RBM12B: variants seen among roughly 807,000 people sequenced by gnomAD.
The protein encoded by RBM12B is RNA-binding protein 12B.
In RBM12B, 10 loss-of-function variants were observed where a neutral mutation model predicts 34.3. The observed-to-expected ratio is 0.29, with a 90% confidence interval of 0.18 to 0.49. The LOEUF (loss-of-function observed/expected upper bound fraction) is 0.49. Among genes scored for constraint, RBM12B ranks in the 20% least tolerant of loss-of-function variants. RBM12B has a pLI of 0.99. For synonymous variants in RBM12B, 477 were observed against 437.1 expected (o/e 1.09, Z -1.14); for missense variants, 1,139 against 1,262.7 (o/e 0.90, Z 1.48).
In RBM12B at chr8:93,730,699, G is replaced by A. The variant is rs971394242; in HGVS notation, c.*2706C>T. The A allele has an allele frequency of 6.9e-6, 1 of 144,032 alleles. No homozygotes were observed. The highest frequency in any genetic ancestry group is 3.3e-3 in the Middle Eastern group (1 of 306). The allele number at this position is 144,032 out of a possible 1,614,324, so 8.9% of individuals were successfully genotyped here. ...AAAATACTCCTGCCATGGCCAATTT[G>A]TTATTGACATATCACTAAAGGCAGA... On this transcript the variant is annotated 3_prime_UTR_variant, in exon 4 of 4. Coordinates refer to ENST00000520560, the MANE Select transcript of RBM12B (RefSeq NM_001377960.1).
rs1286772723 is a variant in RBM12B, at chr8:93,735,668, C to T, written c.743G>A (p.Arg248Lys). ...TGGTGGAGAATGTTCTTCAGATCTCCTAAGAACGTCACCCTCCTTAACTGC... is the reference window on the plus strand; with the variant it reads ...TGGTGGAGAATGTTCTTCAGATCTCTTAAGAACGTCACCCTCCTTAACTGC... ...GNAVKEGDVL[R>K]RSEEHSPPRG... Residue 248 changes from arginine (R) to lysine (K), a missense_variant, in exon 4 of 4, where the codon AGG becomes AAG. Arg to Lys is a conservative substitution (Grantham distance 26, BLOSUM62 2). Around this residue, in one of 3 missense-constraint regions of RBM12B, gnomAD observed 863 missense variants for 869.5 expected, o/e 0.99. Coordinates refer to ENST00000520560, the MANE Select transcript of RBM12B (RefSeq NM_001377960.1). 2.5e-6 allele frequency: 4 copies of T among 1,613,448 alleles called. No individual in the cohort carries two copies. The highest frequency in any genetic ancestry group is 8.5e-7 in the Non-Finnish European group (1 of 1,179,984).
Position 93,734,969 on chromosome 8 carries a change from T to C in RBM12B, c.1442A>G (p.Gln481Arg). Residue 481 changes from glutamine to arginine, a missense_variant, in exon 4 of 4, where the codon CAG (glutamine) becomes CGG (arginine). Around this residue, in one of 3 missense-constraint regions of RBM12B, gnomAD observed 863 missense variants for 869.5 expected, o/e 0.99. Transcript: ENST00000520560. ...CACAGAAAAATTTACACCAAACTCC[T>C]GTATTTGTGCCTCAGATATAAGTCT... ...LLRLISEAQI[Q>R]EFGVNFSVMS... is the part of the protein sequence containing the mutation. 5 of 1,614,156 alleles carry C rather than the reference T, an allele frequency of 3.1e-6. No individual in the cohort carries two copies. The highest frequency in any genetic ancestry group is 4.2e-6 in the Non-Finnish European group (5 of 1,180,018).
rs1811962561 is a variant in RBM12B, at chr8:93,734,878, A to G, written c.1533T>C (p.Phe511=). ...AGTATATTGGTGGGTCTTTTGAGTC[A>G]AATAAATGGGAATGGTCACCTCGCT... The part of the protein sequence containing the change: ...SRERGDHSHL[F]DSKDPPIYSV... Residue 511 remains phenylalanine (F), a synonymous_variant, in exon 4 of 4, where the codon TTT becomes TTC. Transcript: ENST00000520560. 6.2e-7 allele frequency: 1 copy of G among 1,614,026 alleles called. No individual in the cohort carries two copies. Among genetic ancestry groups the G allele is most frequent in the Non-Finnish European group, 8.5e-7 (1 of 1,180,024 alleles).
rs759419973 is a variant in RBM12B, at chr8:93,734,596, G to A, written c.1815C>T (p.Arg605=). ...GGTGCCTGAAGTCATCCTCCGGAGG[G>A]CGCCTGAAATCTTCCTCCCAAGGGC... ...FRRPWEEDFR[R]PPEDDFRHPR... is the part of the protein sequence containing the mutation. Residue 605 remains arginine (R), a synonymous_variant, in exon 4 of 4, where the codon CGC becomes CGT. Coordinates refer to ENST00000520560, the MANE Select transcript of RBM12B (RefSeq NM_001377960.1). The A allele has an allele frequency of 3.1e-6, 5 of 1,608,576 alleles. No homozygotes were observed. In the East Asian group the frequency reaches 6.7e-5, roughly 22 times the overall value.
chr8:93,736,802 T>C (rs537552550), intron 3 of RBM12B, among the ~76,000 whole-genome samples: 1 of 152,364 alleles, frequency 6.6e-6, no homozygotes, highest in African/African-American at 2.4e-5. Context: ...GAGAGCTTTG[T>C]AGATTATTTT....
In RBM12B at chr8:93,730,976, C is replaced by CA. The variant is rs1811768103; in HGVS notation, c.*2428dup. 1 of 152,122 alleles carries CA rather than the reference C, an allele frequency of 6.6e-6. No individual in the cohort carries two copies. 9.4% of individuals were successfully genotyped at this position (152,122 alleles called of 1,614,324 possible). A position where few individuals can be genotyped will look rare whatever the true frequency, so the allele number is the denominator to read the frequency against. On this transcript the variant is annotated 3_prime_UTR_variant, in exon 4 of 4. Transcript: ENST00000520560. ...AGAAATTTGAGAACAGCCTGGGCAA[C>CA]ACAGTGAGACTCTGTCTCTACAAAT...
intron 2 of RBM12B, chr8:93,740,295 C>T (rs1287598204): frequency 2.2e-6 from 1 of 457,054 alleles, no homozygotes; most frequent in Non-Finnish European, 4.4e-6. Flanking sequence ...GGGAATCATC[C>T]GAAGGCATCG....
In RBM12B at chr8:93,736,365, G is replaced by A. The variant is rs866995198; in HGVS notation, c.46C>T (p.Pro16Ser). ...RLLGLPFIAG[P>S]VDIRHFFTGL... Reference sequence around the variant, plus strand: ...GTGAAGAAGTGACGAATATCCACAGGCCCCGCAATAAAAGGAAGCCCCAGT... The same window carrying A: ...GTGAAGAAGTGACGAATATCCACAGACCCCGCAATAAAAGGAAGCCCCAGT... The change falls in exon 4 of 4, where the codon CCT (proline) becomes TCT (serine). Residue 16 changes from proline to serine, a missense_variant. Pro to Ser is a moderately conservative substitution (Grantham distance 74). Around this residue, in one of 3 missense-constraint regions of RBM12B, gnomAD observed 216 missense variants for 292.2 expected, o/e 0.74. Coordinates refer to ENST00000520560, the MANE Select transcript of RBM12B (RefSeq NM_001377960.1). 3.7e-6 allele frequency: 6 copies of A among 1,608,044 alleles called. No individual in the cohort carries two copies. The highest frequency in any genetic ancestry group is 3.4e-5 in the Admixed American group (2 of 58,628).
intron 1 of RBM12B, 77 bp from the exon 2 acceptor site, chr8:93,740,773 C>G (rs571997078): frequency 5.9e-6 from 2 of 336,344 alleles, no homozygotes; most frequent in African/African-American, 4.3e-5. Context: ...TAGATACTGG[C>G]GCGGCCGCCG....
chr8:93,738,882 T>C (rs1308879302), intron 2 of RBM12B: 5 of 152,192 alleles, frequency 3.3e-5, no homozygotes, highest in African/African-American at 1.2e-4. Context: ...TGAGGTCTGT[T>C]TTCCTTTAAA....
chr8:93,734,136 G>C lies in RBM12B; in HGVS notation c.2275C>G (p.Pro759Ala). ...RPPPEHFRRPPPEHFRRPPPE... is the reference protein window; with the variant it reads ...RPPPEHFRRPAPEHFRRPPPE... Reference sequence around the variant, plus strand: ...GGTGGCCGCCTGAAGTGCTCTGGGGGTGGCCGCCGGAAGTGCTCTGGGGGA... The same window carrying C: ...GGTGGCCGCCTGAAGTGCTCTGGGGCTGGCCGCCGGAAGTGCTCTGGGGGA... Residue 759 changes from proline to alanine, a missense_variant, in exon 4 of 4, where the codon CCC becomes GCC. Coordinates refer to ENST00000520560, the MANE Select transcript of RBM12B (RefSeq NM_001377960.1). The C allele has an allele frequency of 6.4e-7, 1 of 1,562,202 alleles. No individual in the cohort carries two copies. The highest frequency in any genetic ancestry group is 8.6e-7 in the Non-Finnish European group (1 of 1,156,278).
At position 93,731,064 on chromosome 8, in the gene RBM12B, G is replaced by A. The variant is rs139869902; in HGVS notation, c.*2341C>T. 0.01 allele frequency: 1,543 copies of A among 152,354 alleles called. 15 individuals carry two copies. Among genetic ancestry groups the A allele is most frequent in the South Asian group, 0.027 (131 of 4,820 alleles). 9.4% of individuals were successfully genotyped at this position (152,354 alleles called of 1,614,324 possible). A position where few individuals can be genotyped will look rare whatever the true frequency, so the allele number is the denominator to read the frequency against. On this transcript the variant is annotated 3_prime_UTR_variant, in exon 4 of 4. Transcript: ENST00000520560. ...TAGTCCCAGCTCTCAGGAGGCTGAG[G>A]CAGGAAGACAGCTTGAGCCCAGGAG...
intron 1 of RBM12B, 50 bp downstream of exon 1, chr8:93,740,831 C>A (rs1345553648): frequency 6.0e-6 from 2 of 334,038 alleles, no homozygotes; most frequent in Admixed American, 4.4e-5. Context: ...GCCCTCCCCA[C>A]CCCCGGCGCC....
Position 93,734,429 on chromosome 8 carries a change from C to A in RBM12B, c.1982G>T (p.Trp661Leu). The change falls in exon 4 of 4, where the codon TGG becomes TTG. Residue 661 changes from tryptophan (W) to leucine (L), a missense_variant. By Grantham distance (61) the Trp-to-Leu change is moderately conservative (BLOSUM62 -2). Transcript: ENST00000520560. Reference sequence around the variant, plus strand: ...CCGCCTGAAATCTTCCTCTGGGAGCCACCTTAAGTCCTCCTCAGGGGGTTG... The same window carrying A: ...CCGCCTGAAATCTTCCTCTGGGAGCAACCTTAAGTCCTCCTCAGGGGGTTG... ...FRQPPEEDLRWLPEEDFRRPP... is the reference protein window; with the variant it reads ...FRQPPEEDLRLLPEEDFRRPP... 6.2e-7 allele frequency: 1 copy of A among 1,612,946 alleles called. No individual in the cohort carries two copies. The highest frequency in any genetic ancestry group is 8.5e-7 in the Non-Finnish European group (1 of 1,179,620).
rs1812189504 is a variant in RBM12B, at chr8:93,740,875, A to G, written c.-146+6T>C. 2 of 299,540 alleles carry G rather than the reference A, an allele frequency of 6.7e-6. No homozygotes were observed. The highest frequency in any genetic ancestry group is 1.3e-5 in the Non-Finnish European group (2 of 153,006). The allele number at this position is 299,540 out of a possible 1,614,324, so 18.6% of individuals were successfully genotyped here. ...AACTGCTTCGCACTTGGCAATAAAC[A>G]CACACCACTGCTGCCGAGTCGGACA... On this transcript the variant is annotated splice_donor_region_variant and intron_variant, in intron 1 of 3. Coordinates refer to ENST00000520560, the MANE Select transcript of RBM12B (RefSeq NM_001377960.1).
At chr8:93,736,522 C>T (rs1812027774) in intron 3 of RBM12B, 84 bp from the exon 4 acceptor site, 1 of 1,016,758 alleles carries the variant, frequency 9.8e-7, no homozygotes, top group Non-Finnish European at 1.3e-6. Flanking sequence ...TACCTGGTTC[C>T]TGCTTTCTTC....
At position 93,735,413 on chromosome 8, in the gene RBM12B, G is replaced by A; in HGVS notation, c.998C>T (p.Thr333Ile). The A allele has an allele frequency of 6.2e-7, 1 of 1,613,306 alleles. No individual in the cohort carries two copies. The highest frequency in any genetic ancestry group is 8.5e-7 in the Non-Finnish European group (1 of 1,179,548). Residue 333 changes from threonine to isoleucine, a missense_variant, in exon 4 of 4, where the codon ACT becomes ATT. Thr to Ile is a moderately conservative substitution (Grantham distance 89). Coordinates refer to ENST00000520560, the MANE Select transcript of RBM12B (RefSeq NM_001377960.1). Reference sequence around the variant, plus strand: ...CAGAGCGGTATTATAGTCTTTCAGAGTCTTGAACATCACAAAGGCATATCT... The same window carrying A: ...CAGAGCGGTATTATAGTCTTTCAGAATCTTGAACATCACAAAGGCATATCT... ...RTRYAFVMFK[T>I]LKDYNTALSL... is the part of the protein sequence containing the mutation.
In RBM12B at chr8:93,731,372, A is replaced by G. The variant is rs1171955668; in HGVS notation, c.*2033T>C. The G allele has an allele frequency of 1.3e-5, 2 of 152,154 alleles. No homozygotes were observed. The highest frequency in any genetic ancestry group is 1.9e-4 in the East Asian group (1 of 5,192). 9.4% of individuals were successfully genotyped at this position (152,154 alleles called of 1,614,324 possible). A position where few individuals can be genotyped will look rare whatever the true frequency, so the allele number is the denominator to read the frequency against. On this transcript the variant is annotated 3_prime_UTR_variant, in exon 4 of 4. Coordinates refer to ENST00000520560, the MANE Select transcript of RBM12B (RefSeq NM_001377960.1). ...GGTGACCAAATGAACCATCTATACA[A>G]TCTTTGCTCAATTAAAAATATCATT...
At position 93,732,611 on chromosome 8, in the gene RBM12B, T is replaced by G. The variant is rs1811831476; in HGVS notation, c.*794A>C. 6.6e-6 allele frequency: 1 copy of G among 152,210 alleles called. No homozygotes were observed. The highest frequency in any genetic ancestry group is 2.4e-5 in the African/African-American group (1 of 41,442). 9.4% of individuals were successfully genotyped at this position (152,210 alleles called of 1,614,324 possible). A position where few individuals can be genotyped will look rare whatever the true frequency, so the allele number is the denominator to read the frequency against. On this transcript the variant is annotated 3_prime_UTR_variant, in exon 4 of 4. Transcript: ENST00000520560. Reference sequence around the variant, plus strand: ...GTATCTTGTATTAATTTTACTTGGTTGATAAGATGTTGAAGAAACCATGGA... The same window carrying G: ...GTATCTTGTATTAATTTTACTTGGTGGATAAGATGTTGAAGAAACCATGGA...
Sources: gnomAD v4.1 joint callset for allele counts (sites outside exome capture counted in the v4.1 genomes callset) on GRCh38, gnomAD v4.1.1 for gene constraint, gnomAD v4.1.1 regional missense constraint, MANE v1.5 for transcripts, NCBI Gene and HGNC (gene_info 2026-07-23, HGNC 2026-07-21) for gene names.